The following SLC12A6 variants were observed in gnomAD, a reference collection of about 807,000 sequenced individuals.
SLC12A6 encodes solute carrier family 12 member 6, also known as K-Cl cotransporter 3.
SLC12A6 carries 66 observed loss-of-function variants against 135.3 expected under a neutral mutation model. That is an observed-to-expected ratio of 0.49 (90% confidence interval 0.40 to 0.60). The LOEUF (loss-of-function observed/expected upper bound fraction) is 0.60, where lower values mean the gene tolerates loss of function less well. SLC12A6 is among the 20% of genes least tolerant of loss of function. SLC12A6 has a pLI of 0.00. For missense variants in SLC12A6, 1,058 were observed against 1,452.3 expected, an observed-to-expected ratio of 0.73 and a Z score of 4.41; for synonymous variants, 513 against 508.8, an observed-to-expected ratio of 1.01 and a Z score of -0.11.
intron 2 of SLC12A6, among the ~76,000 whole-genome samples, chr15:34,327,011 G>A (rs1223362182): frequency 6.6e-6 from 1 of 151,802 alleles, no homozygotes; most frequent in Non-Finnish European, 1.5e-5. Flanking sequence ...TCTGGTCTTG[G>A]AATTACATGT....
intron 3 of SLC12A6, among the ~76,000 whole-genome samples, chr15:34,272,315 T>G (rs1566829752): frequency 6.6e-6 from 1 of 152,226 alleles, no homozygotes; most frequent in Non-Finnish European, 1.5e-5. Flanking sequence ...CTGAGTAACT[T>G]ATCAGATGGT....
At chr15:34,240,234 T>C (rs1891552364) in intron 19 of SLC12A6, among the ~76,000 whole-genome samples, 1 of 152,108 alleles carries the variant, frequency 6.6e-6, no homozygotes, top group African/African-American at 2.4e-5. Context: ...TAATGTTCAA[T>C]ACAGCTAACC....
chr15:34,324,587 C>T (rs1438275907), intron 2 of SLC12A6, among the ~76,000 whole-genome samples: 1 of 151,654 alleles, frequency 6.6e-6, no homozygotes, highest in East Asian at 1.9e-4. Flanking sequence ...ATAATAACCA[C>T]TGTTCTGTTT....
At position 34,298,398 on chromosome 15, in the gene SLC12A6, C is replaced by A. The variant is rs937110590; in HGVS notation, c.272-23009G>T. Among the ~76,000 whole-genome samples, 7 of 151,962 alleles carry A rather than the reference C, an allele frequency of 4.6e-5. 1 individual carries two copies. Among genetic ancestry groups the A allele is most frequent in the Non-Finnish European group, 7.4e-5 (5 of 68,010 alleles). Reference sequence around the variant, plus strand: ...GCAGAGGCAGGAGAACTGCTTGAACCCGGGAGGCGGAGGTTGCAGTGAGCT... The same window carrying A: ...GCAGAGGCAGGAGAACTGCTTGAACACGGGAGGCGGAGGTTGCAGTGAGCT... On this transcript the variant is annotated intron_variant, in intron 2 of 25. Coordinates refer to ENST00000354181, the MANE Select transcript of SLC12A6 (RefSeq NM_001365088.1).
intron 2 of SLC12A6, among the ~76,000 whole-genome samples, chr15:34,324,834 A>G (rs1889359427): frequency 6.6e-6 from 1 of 152,214 alleles, no homozygotes; most frequent in Non-Finnish European, 1.5e-5. Flanking sequence ...CTGCTTTGCA[A>G]ATTATCTCTG....
chr15:34,297,329 T>G (rs996093421), intron 2 of SLC12A6, among the ~76,000 whole-genome samples: 9 of 152,174 alleles, frequency 5.9e-5, no homozygotes, highest in African/African-American at 2.2e-4. Flanking sequence ...AGTGACTCAA[T>G]TTAAGAAAAA....
At chr15:34,298,350 CT>C (rs1159332632) in intron 2 of SLC12A6, among the ~76,000 whole-genome samples, 1 of 152,064 alleles carries the variant, frequency 6.6e-6, no homozygotes, top group East Asian at 1.9e-4. Flanking sequence ...TGGTGGGCAT[CT>C]GCAATCCTGG....
chr15:34,229,955 T>A lies in SLC12A6; in HGVS notation c.*3926A>T, dbSNP rs1890811741. 1.5e-6 allele frequency: 1 copy of A among 674,046 alleles called. No homozygotes were observed. Among genetic ancestry groups the A allele is most frequent in the Non-Finnish European group, 2.6e-6 (1 of 382,010 alleles). 41.8% of individuals were successfully genotyped at this position (674,046 alleles called of 1,614,324 possible). ...ACAGGTCCTAGAAGGACAATGTGCA[T>A]ATTACGACAAACACAAAGAAACTAT... On this transcript the variant is annotated 3_prime_UTR_variant, in exon 26 of 26. Transcript: ENST00000354181.
chr15:34,321,331 G>A (rs1301370474), intron 2 of SLC12A6, among the ~76,000 whole-genome samples: 2 of 152,186 alleles, frequency 1.3e-5, no homozygotes, highest in Admixed American at 6.5e-5. Flanking sequence ...TACAGAAAAA[G>A]CTGAGAGAAA....
At chr15:34,318,794 C>G in intron 2 of SLC12A6, 1 of 1,568,396 alleles carries the variant, frequency 6.4e-7, no homozygotes. Flanking sequence ...CTACAAGAGA[C>G]AGTGGCTGGG....
chr15:34,275,771 G>T (rs761631617), intron 2 of SLC12A6, among the ~76,000 whole-genome samples: 1 of 152,110 alleles, frequency 6.6e-6, no homozygotes, highest in Non-Finnish European at 1.5e-5. Flanking sequence ...AAATTATTCA[G>T]CTATAAAAAT....
intron 2 of SLC12A6, chr15:34,318,758 C>A: frequency 6.2e-7 from 1 of 1,601,122 alleles, no homozygotes; most frequent in South Asian, 1.1e-5. Context: ...CTCTTCCTTG[C>A]TGTCGTTTCA....
In SLC12A6 at chr15:34,250,651, A is replaced by G; in HGVS notation, c.1571T>C (p.Ile524Thr). The change falls in exon 12 of 26, where the codon ATC becomes ACC. Residue 524 changes from isoleucine (I) to threonine (T), a missense_variant. Transcript: ENST00000354181. ...KSIPIGTILA[I>T]LTTSFVYLSN... ...GATACAAACAAAGGAGGTGGTCAGGATGGCAAGGATAGTACCAATCGGAAT... is the reference window on the plus strand; with the variant it reads ...GATACAAACAAAGGAGGTGGTCAGGGTGGCAAGGATAGTACCAATCGGAAT... The G allele has an allele frequency of 6.3e-7, 1 of 1,590,382 alleles. No homozygotes were observed. Among genetic ancestry groups the G allele is most frequent in the Non-Finnish European group, 8.6e-7 (1 of 1,158,492 alleles).
rs1261026468 is a variant in SLC12A6, at chr15:34,331,004, T to C, written c.271+5406A>G. Among the ~76,000 whole-genome samples the C allele has an allele frequency of 5.3e-5, 8 of 151,926 alleles. No individual in the cohort carries two copies. In the East Asian group the frequency reaches 1.6e-3, roughly 29 times the overall value. On this transcript the variant is annotated intron_variant, in intron 2 of 25. Transcript: ENST00000354181. ...TTGCAATGAGTGGAGACCGCACCAT[T>C]GCACTCCAGCCTGGGCGACAGAGTG...
At chr15:34,333,349 C>T (rs1489872377) in intron 2 of SLC12A6, among the ~76,000 whole-genome samples, 1 of 151,868 alleles carries the variant, frequency 6.6e-6, no homozygotes, top group Non-Finnish European at 1.5e-5. Context: ...CCTGTCAAGG[C>T]CTCCCGAGCA....
intron 2 of SLC12A6, among the ~76,000 whole-genome samples, chr15:34,277,296 T>C (rs1380169506): frequency 6.6e-6 from 1 of 152,030 alleles, no homozygotes; most frequent in South Asian, 2.1e-4. Context: ...TAGGTAGGCA[T>C]AGTGGCGTGT....
intron 2 of SLC12A6, among the ~76,000 whole-genome samples, chr15:34,288,583 C>G (rs1369199075): frequency 6.6e-6 from 1 of 152,164 alleles, no homozygotes; most frequent in Non-Finnish European, 1.5e-5. Context: ...GCAGTAAGGC[C>G]ATTTTCATTA....
intron 22 of SLC12A6, 71 bp downstream of exon 22, chr15:34,237,348 A>G (rs763713739): frequency 6.8e-6 from 10 of 1,466,528 alleles, no homozygotes; most frequent in Middle Eastern, 1.8e-4. Flanking sequence ...CCCAAACCAG[A>G]AAAGATTCAA....
intron 22 of SLC12A6, 131 bp from the exon 23 acceptor site, chr15:34,236,946 C>A: frequency 1.4e-6 from 1 of 692,960 alleles, no homozygotes; most frequent in Non-Finnish European, 2.6e-6. Context: ...TTCACCCTTA[C>A]TTTGTTTAGT....
Sources: gnomAD v4.1 joint callset for allele counts (sites outside exome capture counted in the v4.1 genomes callset) on GRCh38, gnomAD v4.1.1 for gene constraint, MANE v1.5 for transcripts, NCBI Gene and HGNC (gene_info 2026-07-23, HGNC 2026-07-21) for gene names.